The following RBP5 variants were observed in gnomAD, a reference collection of about 807,000 sequenced individuals.
RBP5 encodes retinol binding protein 5, also known as retinol-binding protein 5.
In RBP5, 12 loss-of-function variants were observed where a neutral mutation model predicts 17.8. The observed-to-expected ratio is 0.67, with a 90% CI of 0.43 to 1.09. RBP5 has a LOEUF of 1.09. Ranked by LOEUF, RBP5 falls within the 50% of genes least tolerant of loss-of-function variation. The pLI is 0.00. For missense variants in RBP5, 172 were observed against 169.4 expected, an observed-to-expected ratio of 1.02 and a Z score of -0.09; for synonymous variants, 64 against 68.1, an observed-to-expected ratio of 0.94 and a Z score of 0.30.
downstream of RBP5, among the ~76,000 whole-genome samples, chr12:7,122,729 G>T (rs3813736): frequency 0.072 from 10,900 of 152,236 alleles, 479 homozygotes; most frequent in South Asian, 0.22. Context: ...GCCTTGGAAT[G>T]GGACAAGGTG....
At chr12:7,125,228 AGG>A (rs764429299) in intron 2 of RBP5, among the ~76,000 whole-genome samples, 29 of 152,216 alleles carry the variant, frequency 1.9e-4, no homozygotes, top group African/African-American at 6.7e-4. Flanking sequence ...AAGGTCACCG[AGG>A]GGGGCCCAAA....
rs751067790 is a variant in RBP5 at position 7,128,392 on chromosome 12, C to T, written c.100G>A (p.Ala34Thr). ...LNISLAVRKI[A>T]LLLKPDKEIE... The stretch of plus-strand genomic sequence containing the variant: ...TCCTTGTCCGGCTTCAGCAGCAGCG[C>T]GATCTTCCGCACAGCCAAGCTGATG... The change falls in exon 2 of 4, where the codon GCG becomes ACG. Residue 34 changes from alanine to threonine, a missense_variant. Transcript: ENST00000266560. The surrounding 1 kb of genome is among the most constrained non-coding windows in gnomAD (Gnocchi z 5.3). 7 of 1,614,008 alleles carry T rather than the reference C, an allele frequency of 4.3e-6. No homozygotes were observed. The highest frequency in any genetic ancestry group is 3.3e-5 in the South Asian group (3 of 91,082).
chr12:7,126,517 GTGTGT>G (rs1565645354), intron 2 of RBP5, among the ~76,000 whole-genome samples: 968 of 88,350 alleles, frequency 0.011, 5 homozygotes, highest in South Asian at 0.026. Context: ...GGTGGTGTGT[GTGTGT>G]GTGTGTGTGT....
chr12:7,124,702 A>G lies in RBP5; in HGVS notation c.281T>C (p.Leu94Pro), dbSNP rs1939131699. ...GACCTCCCCTTTCTGCACACACACCAGGTGCTCCTCCTCCCAGGTTACTAT... is the reference window on the plus strand; with the variant it reads ...GACCTCCCCTTTCTGCACACACACCGGGTGCTCCTCCTCCCAGGTTACTAT... Reference protein sequence around the residue: ...QTIVTWEEEHLVCVQKGEVPN... With the variant: ...QTIVTWEEEHPVCVQKGEVPN... Residue 94 changes from leucine to proline, a missense_variant, in exon 3 of 4, where the codon CTG becomes CCG. Leu to Pro is a moderately conservative substitution (Grantham distance 98). Coordinates refer to ENST00000266560, the MANE Select transcript of RBP5 (RefSeq NM_031491.4). This position sits in a 1 kb window ranked among gnomAD's most constrained non-coding sequence, Gnocchi z 5.3. The G allele has an allele frequency of 6.2e-7, 1 of 1,611,148 alleles. No homozygotes were observed.
At position 7,128,476 on chromosome 12, in the gene RBP5, G is replaced by A. The variant is rs893622308; in HGVS notation, c.74-58C>T. 6.4e-6 allele frequency: 10 copies of A among 1,556,646 alleles called. No individual in the cohort carries two copies. In the South Asian group the frequency reaches 1.1e-4, roughly 18 times the overall value. Reference sequence around the variant, plus strand: ...TAGCCAGCCAGGAGCTCCTCTGCCTGCAGCAGCCCCTCAGGGCTGTGAGTT... The same window carrying A: ...TAGCCAGCCAGGAGCTCCTCTGCCTACAGCAGCCCCTCAGGGCTGTGAGTT... On this transcript the variant is annotated intron_variant, in intron 1 of 3. Coordinates refer to ENST00000266560, the MANE Select transcript of RBP5 (RefSeq NM_031491.4). The surrounding 1 kb of genome is among the most constrained non-coding windows in gnomAD (Gnocchi z 5.3).
upstream of RBP5, chr12:7,129,578 C>T: frequency 2.0e-6 from 2 of 981,478 alleles, no homozygotes; most frequent in Non-Finnish European, 2.4e-6. The surrounding 1 kb of genome is among the most constrained non-coding windows in gnomAD (Gnocchi z 5.5). Context: ...CCCTCTGAGT[C>T]ATCGATGAGA....
downstream of RBP5, chr12:7,123,607 G>A (rs1939111440): frequency 2.6e-5 from 4 of 155,480 alleles, no homozygotes; most frequent in South Asian, 7.9e-4. Context: ...GTGTGTGGGG[G>A]GCTGTGTCTT....
chr12:7,129,831 C>T (rs959962546), upstream of RBP5: 2 of 985,028 alleles, frequency 2.0e-6, no homozygotes, highest in African/African-American at 1.7e-5. This position sits in a 1 kb window ranked among gnomAD's most constrained non-coding sequence, Gnocchi z 5.5. Context: ...CCGACAGGTG[C>T]GTGCGCGAGG....
Position 7,128,505 on chromosome 12 carries a change from C to T in RBP5, c.74-87G>A. The T allele has an allele frequency of 1.4e-6, 2 of 1,424,954 alleles. No individual in the cohort carries two copies. Among genetic ancestry groups the T allele is most frequent in the Non-Finnish European group, 2.0e-6 (2 of 1,023,100 alleles). The allele number at this position is 1,424,954 out of a possible 1,614,324, so 88.3% of individuals were successfully genotyped here. On this transcript the variant is annotated intron_variant, in intron 1 of 3. Transcript: ENST00000266560. This position sits in a 1 kb window ranked among gnomAD's most constrained non-coding sequence, Gnocchi z 5.3. Reference sequence around the variant, plus strand: ...CAGCCCCTCAGGGCTGTGAGTTTCCCTTCTTTGGGTCTGGGACTGTGGATT... The same window carrying T: ...CAGCCCCTCAGGGCTGTGAGTTTCCTTTCTTTGGGTCTGGGACTGTGGATT...
chr12:7,126,967 G>A lies in RBP5; in HGVS notation c.252+1273C>T, dbSNP rs1284730788. Among the ~76,000 whole-genome samples the A allele has an allele frequency of 6.0e-5, 9 of 150,478 alleles. No homozygotes were observed. In the East Asian group the frequency reaches 1.8e-3, roughly 29 times the overall value. The stretch of plus-strand genomic sequence containing the variant: ...ATTACAGGCATGCGCCACCATGCCC[G>A]GCTAATTTTTGTACTTTTGTATTTT... On this transcript the variant is annotated intron_variant, in intron 2 of 3. Coordinates refer to ENST00000266560, the MANE Select transcript of RBP5 (RefSeq NM_031491.4).
chr12:7,116,429 C>G (rs1045922311), exon 4 of RBP5: 1 of 152,260 alleles, frequency 6.6e-6, no homozygotes, highest in South Asian at 2.1e-4. Flanking sequence ...ATCCTCCCTG[C>G]GGCTTGTCAC....
At chr12:7,126,648 T>G (rs183114138) in intron 2 of RBP5, among the ~76,000 whole-genome samples, 1 of 151,836 alleles carries the variant, frequency 6.6e-6, no homozygotes, top group East Asian at 1.9e-4. Context: ...GTGGAGAGAG[T>G]AGATATAAAA....
downstream of RBP5, among the ~76,000 whole-genome samples, chr12:7,123,095 TG>T (rs1350405422): frequency 6.6e-6 from 1 of 152,142 alleles, no homozygotes; most frequent in Non-Finnish European, 1.5e-5. Flanking sequence ...CTCTGATAGT[TG>T]GGCCCCCTAG....
Position 7,124,534 on chromosome 12 carries a change from C to G in RBP5, c.354+95G>C. ...TCCTTGGATAGGGATTGGGGCTGGG[C>G]TGGGGGAAGAGTGGTGGACCTATCT... On this transcript the variant is annotated intron_variant, in intron 3 of 3. Transcript: ENST00000266560. The surrounding 1 kb of genome is among the most constrained non-coding windows in gnomAD (Gnocchi z 5.3). 6 of 741,018 alleles carry G rather than the reference C, an allele frequency of 8.1e-6. No individual in the cohort carries two copies. The highest frequency in any genetic ancestry group is 1.2e-5 in the Non-Finnish European group (5 of 415,710). The allele number at this position is 741,018 out of a possible 1,614,324, so 45.9% of individuals were successfully genotyped here.
chr12:7,129,820 C>A (rs939145781), upstream of RBP5: 2 of 985,648 alleles, frequency 2.0e-6, no homozygotes, highest in Non-Finnish European at 2.4e-6. This position sits in a 1 kb window ranked among gnomAD's most constrained non-coding sequence, Gnocchi z 5.5. Flanking sequence ...GGCGGCCGGT[C>A]CCGACAGGTG....
At chr12:7,118,840 A>G (rs905147763), downstream of RBP5, 4 of 152,136 alleles carry the variant, frequency 2.6e-5, no homozygotes, top group African/African-American at 9.7e-5. Flanking sequence ...AGAGATTAGC[A>G]TGGCCCCTGT....
chr12:7,124,850 TC>T lies in RBP5; in HGVS notation c.253-121del. On this transcript the variant is annotated intron_variant, in intron 2 of 3. Transcript: ENST00000266560. The surrounding 1 kb of genome is among the most constrained non-coding windows in gnomAD (Gnocchi z 5.3). ...AGCAGATACTGTCTGCTGCAGCCCC[TC>T]CACTGAGCGAGGGAGCTGCTCTGAT... The T allele has an allele frequency of 1.6e-6, 1 of 643,546 alleles. No individual in the cohort carries two copies. The highest frequency in any genetic ancestry group is 2.8e-6 in the Non-Finnish European group (1 of 352,174). The allele number at this position is 643,546 out of a possible 1,614,324, so 39.9% of individuals were successfully genotyped here. A position where few individuals can be genotyped will look rare whatever the true frequency, so the allele number is the denominator to read the frequency against.
In RBP5 at chr12:7,128,568, C is replaced by T; in HGVS notation, c.73+135G>A. ...CCAATGCCTGGTTAGAAATGGATCC[C>T]AGGTCTGGTGCCAGCCGCCTGAGCC... On this transcript the variant is annotated intron_variant, in intron 1 of 3. Transcript: ENST00000266560. This position sits in a 1 kb window ranked among gnomAD's most constrained non-coding sequence, Gnocchi z 5.3. 1 of 1,188,112 alleles carries T rather than the reference C, an allele frequency of 8.4e-7. No homozygotes were observed. The highest frequency in any genetic ancestry group is 2.0e-5 in the Admixed American group (1 of 50,034). The allele number at this position is 1,188,112 out of a possible 1,614,324, so 73.6% of individuals were successfully genotyped here.
Position 7,128,633 on chromosome 12 carries a change from T to C in RBP5, c.73+70A>G. Reference sequence around the variant, plus strand: ...AACCCCGGGCATTCCCTCTTCTCCATGGGACCAAGAAGCAGGAAGGAAGAG... The same window carrying C: ...AACCCCGGGCATTCCCTCTTCTCCACGGGACCAAGAAGCAGGAAGGAAGAG... On this transcript the variant is annotated intron_variant, in intron 1 of 3. Transcript: ENST00000266560. The surrounding 1 kb of genome is among the most constrained non-coding windows in gnomAD (Gnocchi z 5.3). 1 of 1,415,080 alleles carries C rather than the reference T, an allele frequency of 7.1e-7. No individual in the cohort carries two copies. Among genetic ancestry groups the C allele is most frequent in the Non-Finnish European group, 9.8e-7 (1 of 1,022,400 alleles). 87.7% of individuals were successfully genotyped at this position (1,415,080 alleles called of 1,614,324 possible).
Sources: allele counts gnomAD v4.1 joint callset (sites outside exome capture counted in the v4.1 genomes callset), GRCh38; gene constraint gnomAD v4.1.1; non-coding constraint Gnocchi (gnomAD v3.1); transcripts MANE v1.5; gene names NCBI Gene and HGNC (gene_info 2026-07-23, HGNC 2026-07-21).